MAP2K4: variants seen among roughly 807,000 people sequenced by gnomAD.
MAP2K4 encodes dual specificity mitogen-activated protein kinase kinase 4.
Under a neutral mutation model 48.5 loss-of-function variants are expected in MAP2K4, and 4 were observed. The ratio of observed to expected loss-of-function variants is 0.08; its 90% CI spans 0.04 to 0.19. The LOEUF (loss-of-function observed/expected upper bound fraction) is 0.19, where lower values mean the gene tolerates loss of function less well. Among genes scored for constraint, MAP2K4 ranks in the 10% least tolerant of loss-of-function variants. The pLI is 1.00. For missense variants in MAP2K4, 258 were observed against 493.3 expected (o/e 0.52, Z 4.52); for synonymous variants, 166 against 173.1 (o/e 0.96, Z 0.32).
At chr17:12,109,873 A>T (rs1972247521) in intron 5 of MAP2K4, among the ~76,000 whole-genome samples, 1 of 152,020 alleles carries the variant, frequency 6.6e-6, no homozygotes, top group Admixed American at 6.6e-5. Flanking sequence ...CATGCCTGTA[A>T]TCCCAGCAGT....
At chr17:12,069,467 T>C (rs1970718133) in intron 2 of MAP2K4, among the ~76,000 whole-genome samples, 1 of 152,176 alleles carries the variant, frequency 6.6e-6, no homozygotes, top group East Asian at 1.9e-4. Flanking sequence ...TGTTACTCTT[T>C]TCTGTGGTGA....
At chr17:12,053,989 T>C (rs1166638603) in intron 1 of MAP2K4, among the ~76,000 whole-genome samples, 1 of 152,160 alleles carries the variant, frequency 6.6e-6, no homozygotes, top group Non-Finnish European at 1.5e-5. Context: ...ATGCTGCAAA[T>C]GCTTAAAAAA....
At chr17:12,030,899 C>T (rs1018609842) in intron 1 of MAP2K4, among the ~76,000 whole-genome samples, 6 of 152,152 alleles carry the variant, frequency 3.9e-5, no homozygotes, top group South Asian at 2.1e-4. Flanking sequence ...CAGTGGGATG[C>T]GGGGAAGACT....
chr17:12,041,685 T>A (rs1403328859), intron 1 of MAP2K4, among the ~76,000 whole-genome samples: 1 of 152,206 alleles, frequency 6.6e-6, no homozygotes, highest in African/African-American at 2.4e-5. Context: ...ATTGGACCCA[T>A]CAGGAAATAC....
intron 2 of MAP2K4, among the ~76,000 whole-genome samples, chr17:12,062,817 T>C (rs1484608007): frequency 6.6e-6 from 1 of 152,186 alleles, no homozygotes; most frequent in Non-Finnish European, 1.5e-5. Flanking sequence ...CTTTTTTCTT[T>C]TGTGATTTAT....
chr17:12,118,901 TTGGA>T (rs1373016330), intron 7 of MAP2K4, among the ~76,000 whole-genome samples: 1 of 152,224 alleles, frequency 6.6e-6, no homozygotes, highest in African/African-American at 2.4e-5. Context: ...AGGTAGTGAC[TTGGA>T]TGGATTCCAT....
At chr17:12,136,779 C>T (rs1007267870) in intron 9 of MAP2K4, among the ~76,000 whole-genome samples, 1 of 152,118 alleles carries the variant, frequency 6.6e-6, no homozygotes, top group African/African-American at 2.4e-5. Flanking sequence ...AAACACAAAA[C>T]CAGAAAGGTA....
chr17:12,089,558 T>C (rs1366885276), intron 3 of MAP2K4, among the ~76,000 whole-genome samples: 1 of 152,240 alleles, frequency 6.6e-6, no homozygotes, highest in Non-Finnish European at 1.5e-5. Flanking sequence ...TAATTTCTGA[T>C]CCAGGAACTC....
intron 6 of MAP2K4, among the ~76,000 whole-genome samples, chr17:12,111,865 G>A (rs915024817): frequency 1.6e-5 from 2 of 124,888 alleles, no homozygotes; most frequent in Non-Finnish European, 3.5e-5. Flanking sequence ...CCTCCTTCAT[G>A]TGTTAACTCT....
intron 7 of MAP2K4, among the ~76,000 whole-genome samples, chr17:12,116,246 T>A (rs1972489183): frequency 6.6e-6 from 1 of 152,304 alleles, no homozygotes; most frequent in East Asian, 1.9e-4. Context: ...TAAAAAAATA[T>A]GGTATAAAAA....
rs188387786 is a variant in MAP2K4 at position 12,062,616 on chromosome 17, A to G, written c.218+7625A>G. 6.8e-4 allele frequency among the ~76,000 whole-genome samples: 103 copies of G among 152,322 alleles called. 2 individuals carry two copies. Among genetic ancestry groups the G allele is most frequent in the Admixed American group, 1.6e-3 (24 of 15,306 alleles). On this transcript the variant is annotated intron_variant, in intron 2 of 10. Coordinates refer to ENST00000353533, the MANE Select transcript of MAP2K4 (RefSeq NM_003010.4). ...AGTGCTGGAATTACAGGCATGAACC[A>G]CTGCCTGGCCTTGAAAATGTCTTTA...
intron 2 of MAP2K4, among the ~76,000 whole-genome samples, chr17:12,066,319 C>G (rs986365408): frequency 8.6e-5 from 13 of 152,032 alleles, no homozygotes; most frequent in Non-Finnish European, 4.4e-5. Flanking sequence ...ATATTTATCT[C>G]CAAAGATAAC....
chr17:12,123,113 A>T (rs1972744287), intron 7 of MAP2K4, among the ~76,000 whole-genome samples: 1 of 152,142 alleles, frequency 6.6e-6, no homozygotes, highest in African/African-American at 2.4e-5. Context: ...AAAAATCGTT[A>T]TGCTGGCCTC....
chr17:12,052,515 G>A (rs1383037251), intron 1 of MAP2K4, among the ~76,000 whole-genome samples: 1 of 152,118 alleles, frequency 6.6e-6, no homozygotes, highest in Non-Finnish European at 1.5e-5. Flanking sequence ...ATCTGGTAAG[G>A]TTAGCTACTA....
At chr17:12,086,934 C>T (rs1158581732) in intron 3 of MAP2K4, among the ~76,000 whole-genome samples, 1 of 152,134 alleles carries the variant, frequency 6.6e-6, no homozygotes, top group African/African-American at 2.4e-5. Context: ...GCAACCTCTG[C>T]CTCCTGGGTT....
At chr17:12,053,552 T>C (rs1970203862) in intron 1 of MAP2K4, among the ~76,000 whole-genome samples, 1 of 152,168 alleles carries the variant, frequency 6.6e-6, no homozygotes, top group African/African-American at 2.4e-5. Flanking sequence ...TTTTTGTTTT[T>C]TTTTTAAATA....
chr17:12,139,947 GT>G, intron 10 of MAP2K4, 63 bp downstream of exon 10: 1 of 1,175,498 alleles, frequency 8.5e-7, no homozygotes, highest in Non-Finnish European at 1.2e-6. Context: ...TAACATGCTG[GT>G]TCACTAAGCA....
chr17:12,051,075 T>C (rs972474862), intron 1 of MAP2K4, among the ~76,000 whole-genome samples: 1 of 152,162 alleles, frequency 6.6e-6, no homozygotes, highest in Non-Finnish European at 1.5e-5. Context: ...CCCTCAGCCT[T>C]GGAGTGGCTG....
intron 7 of MAP2K4, among the ~76,000 whole-genome samples, chr17:12,116,593 G>T (rs749461839): frequency 6.6e-6 from 1 of 151,886 alleles, no homozygotes; most frequent in South Asian, 2.1e-4. Flanking sequence ...TCTTTATTCC[G>T]TAAGGCTATT....
Sources: allele counts gnomAD v4.1 joint callset (sites outside exome capture counted in the v4.1 genomes callset), GRCh38; gene constraint gnomAD v4.1.1; transcripts MANE v1.5; gene names NCBI Gene and HGNC (gene_info 2026-07-23, HGNC 2026-07-21).